The following SLC25A42 variants were observed in gnomAD, a reference collection of about 807,000 sequenced individuals.
The protein encoded by SLC25A42 is mitochondrial coenzyme A transporter SLC25A42.
Under a neutral mutation model 34.7 loss-of-function variants are expected in SLC25A42, and 19 were observed. That is an observed-to-expected ratio of 0.55 (90% confidence interval 0.38 to 0.80). SLC25A42 has a LOEUF of 0.80. Among genes scored for constraint, SLC25A42 ranks in the 30% least tolerant of loss-of-function variants. SLC25A42 has a pLI of 0.00. For synonymous variants in SLC25A42, 205 were observed against 191.2 expected (o/e 1.07, Z -0.59); for missense variants, 364 against 441.3 (o/e 0.82, Z 1.57).
At position 19,105,522 on chromosome 19, in the gene SLC25A42, C is replaced by G. The variant is rs374467322; in HGVS notation, c.214-39C>G. On this transcript the variant is annotated intron_variant, in intron 4 of 7. Coordinates refer to ENST00000318596, the MANE Select transcript of SLC25A42 (RefSeq NM_178526.5). Reference sequence around the variant, plus strand: ...CACAGAGGCCCGCAGGGAGGGCAGGCAGAGGCAGAGGGATGTTGACCTTCC... The same window carrying G: ...CACAGAGGCCCGCAGGGAGGGCAGGGAGAGGCAGAGGGATGTTGACCTTCC... 13 of 1,590,496 alleles carry G rather than the reference C, an allele frequency of 8.2e-6. No individual in the cohort carries two copies. The African/African-American group carries it at 1.5e-4, about 18-fold the overall frequency.
At chr19:19,102,704 A>G (rs904194310) in intron 3 of SLC25A42, among the ~76,000 whole-genome samples, 1 of 152,066 alleles carries the variant, frequency 6.6e-6, no homozygotes, top group Non-Finnish European at 1.5e-5. Flanking sequence ...AGGTCGCGCC[A>G]TCGCACTCCA....
chr19:19,078,879 C>T (rs2059667835), intron 1 of SLC25A42, among the ~76,000 whole-genome samples: 1 of 151,562 alleles, frequency 6.6e-6, no homozygotes, highest in South Asian at 2.1e-4. Flanking sequence ...GAGATGTAGT[C>T]TTGCTCTTGT....
intron 1 of SLC25A42, among the ~76,000 whole-genome samples, chr19:19,084,918 G>A (rs112565510): frequency 0.021 from 3,087 of 146,570 alleles, 120 homozygotes; most frequent in African/African-American, 0.074. Flanking sequence ...GCAACATAGC[G>A]AGACCCCATC....
Position 19,111,244 on chromosome 19 carries a change from C to G in SLC25A42, c.*368C>G, listed in dbSNP as rs2059863423. On this transcript the variant is annotated 3_prime_UTR_variant, in exon 8 of 8. Coordinates refer to ENST00000318596, the MANE Select transcript of SLC25A42 (RefSeq NM_178526.5). Reference sequence around the variant, plus strand: ...TGATTCTAGTGACCCCTGTCCCCACCAGGCTCAGAGCCAGACCGCGCCTGG... The same window carrying G: ...TGATTCTAGTGACCCCTGTCCCCACGAGGCTCAGAGCCAGACCGCGCCTGG... 6.8e-6 allele frequency: 2 copies of G among 293,500 alleles called. No homozygotes were observed. Among genetic ancestry groups the G allele is most frequent in the Admixed American group, 5.0e-5 (1 of 20,166 alleles). 18.2% of individuals were successfully genotyped at this position (293,500 alleles called of 1,614,324 possible). A position where few individuals can be genotyped will look rare whatever the true frequency, so the allele number is the denominator to read the frequency against.
At chr19:19,067,932 A>G (rs1018141351) in intron 1 of SLC25A42, among the ~76,000 whole-genome samples, 5 of 152,078 alleles carry the variant, frequency 3.3e-5, no homozygotes, top group Non-Finnish European at 7.4e-5. Context: ...TGTCTCTTCT[A>G]TTTTGGCAGT....
intron 1 of SLC25A42, among the ~76,000 whole-genome samples, chr19:19,069,904 C>T (rs1294296467): frequency 1.3e-5 from 2 of 152,038 alleles, no homozygotes; most frequent in Non-Finnish European, 2.9e-5. Context: ...TCGCTCACTG[C>T]AACCTCTGCC....
At chr19:19,108,970 G>A (rs1197576947) in intron 7 of SLC25A42, among the ~76,000 whole-genome samples, 1 of 151,718 alleles carries the variant, frequency 6.6e-6, no homozygotes, top group Non-Finnish European at 1.5e-5. Context: ...TAGGGGTAAC[G>A]CTGAGGGCCC....
rs2059870735 is a variant in SLC25A42 at position 19,112,374 on chromosome 19, T to C, written c.*1498T>C. ...ATGTGGCCACCAGCCATCCCTGATC[T>C]TGTCCCCAGAGGCCCAGGCAGCCTG... On this transcript the variant is annotated 3_prime_UTR_variant, in exon 8 of 8. Transcript: ENST00000318596. This position sits in a 1 kb window ranked among gnomAD's most constrained non-coding sequence, Gnocchi z 4.3. The C allele has an allele frequency of 6.6e-6, 1 of 152,426 alleles. No individual in the cohort carries two copies. Among genetic ancestry groups the C allele is most frequent in the Admixed American group, 6.5e-5 (1 of 15,282 alleles). 9.4% of individuals were successfully genotyped at this position (152,426 alleles called of 1,614,324 possible).
Position 19,105,553 on chromosome 19 carries a change from A to C in SLC25A42, c.214-8A>C, listed in dbSNP as rs2059821377. On this transcript the variant is annotated splice_polypyrimidine_tract_variant and splice_region_variant and intron_variant, in intron 4 of 7. Transcript: ENST00000318596. The stretch of plus-strand genomic sequence containing the variant: ...CAGAGGGATGTTGACCTTCCCGCTT[A>C]TCTCCAGGAGGCCTTCCGGGTCCTC... The C allele has an allele frequency of 1.2e-5, 20 of 1,607,780 alleles. No individual in the cohort carries two copies. The highest frequency in any genetic ancestry group is 1.7e-5 in the Non-Finnish European group (20 of 1,175,288).
At chr19:19,077,675 G>A (rs140261246) in intron 1 of SLC25A42, among the ~76,000 whole-genome samples, 2,927 of 152,178 alleles carry the variant, frequency 0.019, 87 homozygotes, top group African/African-American at 0.067. Context: ...ATCACCTGAG[G>A]CCAGGAGTTC....
chr19:19,071,994 G>A (rs75386639), intron 1 of SLC25A42, among the ~76,000 whole-genome samples: 17,490 of 152,286 alleles, frequency 0.11, 1,398 homozygotes, highest in Middle Eastern at 0.21. Flanking sequence ...ACTGGCATGG[G>A]GCGACCCAGG....
Position 19,110,585 on chromosome 19 carries a change from G to A in SLC25A42, c.666G>A (p.Arg222=), listed in dbSNP as rs2059857780. 2.1e-6 allele frequency: 3 copies of A among 1,438,200 alleles called. No individual in the cohort carries two copies. The highest frequency in any genetic ancestry group is 1.8e-6 in the Non-Finnish European group (2 of 1,102,756). The allele number at this position is 1,438,200 out of a possible 1,614,324, so 89.1% of individuals were successfully genotyped here. A position where few individuals can be genotyped will look rare whatever the true frequency, so the allele number is the denominator to read the frequency against. The part of the protein sequence containing the change: ...KSLHREYSGR[R]QPYPFERMIF... Reference sequence around the variant, plus strand: ...GCCCTGCAGAGTACAGCGGCCGCCGGCAGCCCTACCCCTTCGAGCGCATGA... The same window carrying A: ...GCCCTGCAGAGTACAGCGGCCGCCGACAGCCCTACCCCTTCGAGCGCATGA... Residue 222 remains arginine, a synonymous_variant, in exon 8 of 8, where the codon CGG becomes CGA. Transcript: ENST00000318596.
Position 19,085,377 on chromosome 19 carries a change from A to G in SLC25A42, c.-34-10714A>G, listed in dbSNP as rs75208201. ...AAAGGGATCTCTGAACAATAGCCAC[A>G]TTTTTTCTTTTTTTTTTTTTTGGAG... On this transcript the variant is annotated intron_variant, in intron 1 of 7. Coordinates refer to ENST00000318596, the MANE Select transcript of SLC25A42 (RefSeq NM_178526.5). Among the ~76,000 whole-genome samples the G allele has an allele frequency of 1.5e-4, 16 of 104,280 alleles. No homozygotes were observed. The East Asian group carries it at 3.8e-3, about 25-fold the overall frequency. 68.4% of individuals were successfully genotyped at this position (104,280 alleles called of 152,430 possible).
intron 1 of SLC25A42, among the ~76,000 whole-genome samples, chr19:19,073,612 TC>T (rs1279981180): frequency 7.3e-5 from 11 of 150,220 alleles, no homozygotes; most frequent in African/African-American, 2.7e-4. Flanking sequence ...TCTTTCACCA[TC>T]ACCCAGGCTG....
chr19:19,079,630 G>A lies in SLC25A42; in HGVS notation c.-35+15515G>A, dbSNP rs144053485. Among the ~76,000 whole-genome samples, 622 of 152,282 alleles carry A rather than the reference G, an allele frequency of 4.1e-3. 7 individuals carry two copies. Among genetic ancestry groups the A allele is most frequent in the African/African-American group, 0.014 (601 of 41,572 alleles). Reference sequence around the variant, plus strand: ...ATGGCTGAGTAGTAGTCTGTCATGCGAACATTTTGTATATCCATTCATCTG... The same window carrying A: ...ATGGCTGAGTAGTAGTCTGTCATGCAAACATTTTGTATATCCATTCATCTG... On this transcript the variant is annotated intron_variant, in intron 1 of 7. Coordinates refer to ENST00000318596, the MANE Select transcript of SLC25A42 (RefSeq NM_178526.5).
chr19:19,096,322 G>C, intron 2 of SLC25A42, 117 bp downstream of exon 2: 1 of 715,294 alleles, frequency 1.4e-6, no homozygotes, highest in Admixed American at 2.6e-5. Context: ...AACAGGCTCA[G>C]GGATTCCTCT....
intron 1 of SLC25A42, among the ~76,000 whole-genome samples, chr19:19,069,625 C>G (rs759405172): frequency 3.9e-5 from 6 of 152,118 alleles, no homozygotes; most frequent in Non-Finnish European, 8.8e-5. Context: ...ATGTGGCTTT[C>G]TCCCTGTTGT....
chr19:19,086,471 G>A (rs976715112), intron 1 of SLC25A42, among the ~76,000 whole-genome samples: 13 of 152,190 alleles, frequency 8.5e-5, no homozygotes, highest in African/African-American at 3.1e-4. Context: ...GAGATGCTCA[G>A]AGGCCACGCA....
intron 1 of SLC25A42, among the ~76,000 whole-genome samples, chr19:19,064,921 C>A (rs961565128): frequency 1.3e-5 from 2 of 152,108 alleles, no homozygotes; most frequent in African/African-American, 4.8e-5. Context: ...AAGTGATTTC[C>A]GGACCTTAGA....
Sources: gnomAD v4.1 joint callset for allele counts (sites outside exome capture counted in the v4.1 genomes callset) on GRCh38, gnomAD v4.1.1 for gene constraint, Gnocchi (gnomAD v3.1) non-coding constraint, MANE v1.5 for transcripts, NCBI Gene and HGNC (gene_info 2026-07-23, HGNC 2026-07-21) for gene names.